Variants in CDCA7L observed in about 807,000 individuals in gnomAD.
CDCA7L encodes cell division cycle associated 7 like, also known as cell division cycle-associated 7-like protein.
A neutral mutation model predicts 57.4 loss-of-function variants in CDCA7L; 44 were observed. The ratio of observed to expected loss-of-function variants is 0.77; its 90% CI spans 0.60 to 0.98. CDCA7L has a LOEUF of 0.98. CDCA7L is among the 50% of genes least tolerant of loss of function. The pLI is 0.00. For synonymous variants in CDCA7L, 236 were observed against 202.8 expected (o/e 1.16, Z -1.39); for missense variants, 644 against 580.6 (o/e 1.11, Z -1.12).
At position 21,905,504 on chromosome 7, in the gene CDCA7L, A is replaced by G; in HGVS notation, c.1047+2T>C. ...AAGAATGACAATTAATGTATACTTT[A>G]CCAGAACTTTATCATAGATTTTATC... On this transcript the variant is annotated splice_donor_variant, in intron 7 of 9. Transcript: ENST00000406877. LOFTEE classifies it high-confidence loss of function. The G allele has an allele frequency of 6.2e-7, 1 of 1,613,276 alleles. No individual in the cohort carries two copies. Among genetic ancestry groups the G allele is most frequent in the Non-Finnish European group, 8.5e-7 (1 of 1,179,646 alleles).
chr7:21,914,256 T>C (rs1312449669), intron 2 of CDCA7L, among the ~76,000 whole-genome samples: 1 of 151,976 alleles, frequency 6.6e-6, no homozygotes, highest in East Asian at 1.9e-4. Context: ...AGGTGGGGTG[T>C]TGGATGCTTG....
chr7:21,928,474 T>C (rs1785892669), intron 1 of CDCA7L, among the ~76,000 whole-genome samples: 1 of 151,852 alleles, frequency 6.6e-6, no homozygotes, highest in Non-Finnish European at 1.5e-5. Context: ...TTGACAGAAG[T>C]ACGCTTCAGA....
intron 2 of CDCA7L, among the ~76,000 whole-genome samples, chr7:21,912,071 G>C (rs562329066): frequency 6.6e-6 from 1 of 151,972 alleles, no homozygotes; most frequent in African/African-American, 2.4e-5. Context: ...AGACCAGCCT[G>C]AGCAACATAG....
chr7:21,903,795 A>T (rs1175782848), intron 8 of CDCA7L: 1 of 230,876 alleles, frequency 4.3e-6, no homozygotes, highest in African/African-American at 2.3e-5. Context: ...GGAAAAACAA[A>T]ACAAATCAGA....
chr7:21,937,520 C>T (rs577090004), intron 1 of CDCA7L, among the ~76,000 whole-genome samples: 64 of 152,102 alleles, frequency 4.2e-4, no homozygotes, highest in African/African-American at 1.5e-3. Context: ...TGCCTGTAGT[C>T]CCGGCTACTC....
intron 1 of CDCA7L, among the ~76,000 whole-genome samples, chr7:21,925,455 C>T (rs7798564): frequency 0.66 from 99,939 of 152,082 alleles, 35,170 homozygotes; most frequent in Non-Finnish European, 0.8. Context: ...AAACTAAGTA[C>T]CATCATATAC....
At chr7:21,913,756 T>C (rs1467069292) in intron 2 of CDCA7L, among the ~76,000 whole-genome samples, 2 of 152,232 alleles carry the variant, frequency 1.3e-5, no homozygotes, top group Non-Finnish European at 2.9e-5. Context: ...TTTGATCCTG[T>C]GTGCTGGCCT....
In CDCA7L at chr7:21,906,555, G is replaced by T; in HGVS notation, c.753+13C>A. Reference sequence around the variant, plus strand: ...ATATCAGTATTGGTATAATTATAAGGAGTTCTACTTACAGAAGCTGAGGTT... The same window carrying T: ...ATATCAGTATTGGTATAATTATAAGTAGTTCTACTTACAGAAGCTGAGGTT... On this transcript the variant is annotated intron_variant, in intron 5 of 9. Coordinates refer to ENST00000406877, the MANE Select transcript of CDCA7L (RefSeq NM_018719.5). 4 of 1,613,966 alleles carry T rather than the reference G, an allele frequency of 2.5e-6. No individual in the cohort carries two copies. Among genetic ancestry groups the T allele is most frequent in the Non-Finnish European group, 3.4e-6 (4 of 1,179,892 alleles).
At chr7:21,912,761 T>G (rs566172334) in intron 2 of CDCA7L, among the ~76,000 whole-genome samples, 2 of 152,276 alleles carry the variant, frequency 1.3e-5, no homozygotes, top group East Asian at 3.9e-4. Flanking sequence ...GGAATTTCTC[T>G]CGTGCAGGAG....
chr7:21,945,689 C>T, intron 1 of CDCA7L, 92 bp downstream of exon 1: 1 of 1,517,126 alleles, frequency 6.6e-7, no homozygotes, highest in Non-Finnish European at 9.0e-7. Flanking sequence ...AGCCAAGGGC[C>T]ACGTTTCCAG....
At chr7:21,904,381 G>A in intron 7 of CDCA7L, 122 bp from the exon 8 acceptor site, 1 of 1,031,098 alleles carries the variant, frequency 9.7e-7, no homozygotes, top group Non-Finnish European at 1.3e-6. Context: ...GAATCAAGCA[G>A]GACTGTTTTC....
At chr7:21,903,867 A>G (rs1785035083) in intron 8 of CDCA7L, 1 of 388,910 alleles carries the variant, frequency 2.6e-6, no homozygotes. Context: ...GAGGACTGTA[A>G]GCAAGTTTTG....
chr7:21,920,638 G>A (rs1216863126), intron 1 of CDCA7L, among the ~76,000 whole-genome samples: 4 of 152,198 alleles, frequency 2.6e-5, no homozygotes, highest in African/African-American at 4.8e-5. Context: ...CACACGTAGT[G>A]CAGCACTAGC....
At chr7:21,909,507 TAGA>T (rs1187844642) in intron 3 of CDCA7L, among the ~76,000 whole-genome samples, 3 of 151,746 alleles carry the variant, frequency 2.0e-5, no homozygotes, top group Non-Finnish European at 2.9e-5. Flanking sequence ...GGACTAAAGT[TAGA>T]AATAAGACAC....
intron 1 of CDCA7L, among the ~76,000 whole-genome samples, chr7:21,926,766 G>A (rs1413537779): frequency 6.6e-6 from 1 of 152,124 alleles, no homozygotes; most frequent in African/African-American, 2.4e-5. Context: ...CCTGCTACTT[G>A]GGAGCCTGAG....
At chr7:21,932,021 G>C (rs1786034376) in intron 1 of CDCA7L, among the ~76,000 whole-genome samples, 1 of 151,848 alleles carries the variant, frequency 6.6e-6, no homozygotes, top group African/African-American at 2.4e-5. Flanking sequence ...CAATAATAGA[G>C]AGCAAAATCA....
intron 8 of CDCA7L, among the ~76,000 whole-genome samples, chr7:21,903,391 A>C (rs1785009610): frequency 6.6e-6 from 1 of 152,302 alleles, no homozygotes; most frequent in South Asian, 2.1e-4. Flanking sequence ...CTGTGCGAGC[A>C]TGCAGGTCAC....
chr7:21,926,430 T>G (rs1189331485), intron 1 of CDCA7L, among the ~76,000 whole-genome samples: 1 of 152,204 alleles, frequency 6.6e-6, no homozygotes, highest in African/African-American at 2.4e-5. Context: ...TATATAAAGA[T>G]TTCTTACAAC....
Position 21,900,951 on chromosome 7 carries a change from C to A in CDCA7L, c.*1371G>T. On this transcript the variant is annotated 3_prime_UTR_variant, in exon 10 of 10. Coordinates refer to ENST00000406877, the MANE Select transcript of CDCA7L (RefSeq NM_018719.5). Reference sequence around the variant, plus strand: ...TATTGCATCAAACAACTTACTTGATCATTATCATTAGTAGCAAGCTGCCAC... The same window carrying A: ...TATTGCATCAAACAACTTACTTGATAATTATCATTAGTAGCAAGCTGCCAC... The A allele has an allele frequency of 1.3e-6, 2 of 1,504,112 alleles. No individual in the cohort carries two copies. Among genetic ancestry groups the A allele is most frequent in the South Asian group, 1.4e-5 (1 of 69,874 alleles). The allele number at this position is 1,504,112 out of a possible 1,614,324, so 93.2% of individuals were successfully genotyped here.
Sources: gnomAD v4.1 joint callset for allele counts (sites outside exome capture counted in the v4.1 genomes callset) on GRCh38, gnomAD v4.1.1 for gene constraint, MANE v1.5 for transcripts, NCBI Gene and HGNC (gene_info 2026-07-23, HGNC 2026-07-21) for gene names.